Variants in MYOM1 observed in about 807,000 individuals in gnomAD.
MYOM1 encodes the protein myomesin 1, also known as myomesin-1.
MYOM1 carries 164 observed loss-of-function variants against 205.3 expected under a neutral mutation model. The ratio of observed to expected loss-of-function variants is 0.80; its 90% CI spans 0.70 to 0.91. The LOEUF (loss-of-function observed/expected upper bound fraction) is 0.91, where lower values mean the gene tolerates loss of function less well. MYOM1 is among the 40% of genes least tolerant of loss of function. The pLI is 0.00. For missense variants in MYOM1, 2,011 were observed against 2,127.3 expected, an observed-to-expected ratio of 0.95 and a Z score of 1.08; for synonymous variants, 772 against 789.4, an observed-to-expected ratio of 0.98 and a Z score of 0.37.
rs73377264 is a variant in MYOM1 at position 3,211,510 on chromosome 18, C to A, written c.290+3424G>T. Among the ~76,000 whole-genome samples, 593 of 152,318 alleles carry A rather than the reference C, an allele frequency of 3.9e-3. 2 individuals are homozygous for A. The highest frequency in any genetic ancestry group is 0.014 in the African/African-American group (568 of 41,554). On this transcript the variant is annotated intron_variant, in intron 2 of 37. Transcript: ENST00000356443. ...ACCATTCATGGACAGAGGTTAAGAACCCTTGCCTAATGGTTGCAACATGGT... is the reference window on the plus strand; with the variant it reads ...ACCATTCATGGACAGAGGTTAAGAAACCTTGCCTAATGGTTGCAACATGGT...
the MYOM1 span, among the ~76,000 whole-genome samples, chr18:3,238,191 C>A: frequency 1.3e-5 from 2 of 152,176 alleles, no homozygotes; most frequent in African/African-American, 4.8e-5. Context: ...GATCATCAGG[C>A]ATTAGATTCT....
At chr18:3,111,275 T>C (rs1233938485) in intron 22 of MYOM1, among the ~76,000 whole-genome samples, 1 of 137,884 alleles carries the variant, frequency 7.3e-6, no homozygotes, top group African/African-American at 2.7e-5. Flanking sequence ...TTTAATGAAC[T>C]GAAATATATG....
At chr18:3,170,863 C>T (rs2080546311) in intron 8 of MYOM1, among the ~76,000 whole-genome samples, 1 of 142,414 alleles carries the variant, frequency 7.0e-6, no homozygotes, top group Admixed American at 6.9e-5. Context: ...TTGAAATTCA[C>T]ACTCATAACT....
At chr18:3,176,285 G>C (rs2080639993) in intron 5 of MYOM1, among the ~76,000 whole-genome samples, 151 bp from the exon 6 acceptor site, 1 of 152,090 alleles carries the variant, frequency 6.6e-6, no homozygotes, top group African/African-American at 2.4e-5. Flanking sequence ...AATCATATTG[G>C]CTTACGTGAA....
At chr18:3,136,212 A>T (rs145402828) in intron 14 of MYOM1, among the ~76,000 whole-genome samples, 42 of 152,240 alleles carry the variant, frequency 2.8e-4, no homozygotes, top group Admixed American at 1.8e-3. Context: ...TGAGTCCATT[A>T]AACCTCTTTT....
intron 21 of MYOM1, among the ~76,000 whole-genome samples, chr18:3,113,064 T>C (rs936689638): frequency 6.7e-6 from 1 of 149,454 alleles, no homozygotes; most frequent in Non-Finnish European, 1.5e-5. Context: ...TTTTTAATGA[T>C]CAAGATGTGT....
rs77399354 is a variant in MYOM1, at chr18:3,187,723, G to C, written c.772-86C>G. 4,522 of 1,290,746 alleles carry C rather than the reference G, an allele frequency of 3.5e-3. 99 individuals carry two copies. In the African/African-American group the frequency reaches 0.054, roughly 15 times the overall value. 80.0% of individuals were successfully genotyped at this position (1,290,746 alleles called of 1,614,324 possible). On this transcript the variant is annotated intron_variant, in intron 4 of 37. Transcript: ENST00000356443. Reference sequence around the variant, plus strand: ...TTGGTGCTAAAATAACAAGTAGAAGGCAAAAGTTTTATTTTTCCATTTGGA... The same window carrying C: ...TTGGTGCTAAAATAACAAGTAGAAGCCAAAAGTTTTATTTTTCCATTTGGA...
rs1667261160 is a variant in MYOM1 at position 3,129,408 on chromosome 18, G to A, written c.2618C>T (p.Ala873Val). 5.0e-6 allele frequency: 8 copies of A among 1,613,970 alleles called. No individual in the cohort carries two copies. The African/African-American group carries it at 6.7e-5, about 13-fold the overall frequency. The change falls in exon 18 of 38, where the codon GCT (alanine) becomes GTT (valine). Residue 873 changes from alanine to valine, a missense_variant. Transcript: ENST00000356443. ...TTTGTTAGGTTTGCTGCCAAGCAAA[G>A]CATCTTTCTGGAAGGTTGGCGGGGA... ...EASPPTFQKD[A>V]LLGSKPNKPS...
At chr18:3,095,915 A>G (rs952371188) in intron 25 of MYOM1, among the ~76,000 whole-genome samples, 2 of 152,204 alleles carry the variant, frequency 1.3e-5, no homozygotes, top group Non-Finnish European at 2.9e-5. Context: ...AGGAGAGTAG[A>G]AAGCACAATT....
intron 5 of MYOM1, among the ~76,000 whole-genome samples, chr18:3,177,520 G>A (rs2080664117): frequency 6.6e-6 from 1 of 151,312 alleles, no homozygotes; most frequent in African/African-American, 2.4e-5. Flanking sequence ...TGCCCAGGCT[G>A]GAGTGCAATG....
chr18:3,134,738 T>G lies in MYOM1; in HGVS notation c.2296A>C (p.Lys766Gln), dbSNP rs139137993. Reference sequence around the variant, plus strand: ...TCTATGTAGTACCCGACCAGCTCTTTGGCATCTTTGGACTCCTCCCACGAA... The same window carrying G: ...TCTATGTAGTACCCGACCAGCTCTTGGGCATCTTTGGACTCCTCCCACGAA... Reference protein sequence around the residue: ...VVSWEESKDAKELVGYYIEAS... With the variant: ...VVSWEESKDAQELVGYYIEAS... The change falls in exon 16 of 38, where the codon AAA (lysine) becomes CAA (glutamine). Residue 766 changes from lysine (K) to glutamine (Q), a missense_variant. By Grantham distance (53) the Lys-to-Gln change is moderately conservative (BLOSUM62 1). Coordinates refer to ENST00000356443, the MANE Select transcript of MYOM1 (RefSeq NM_003803.4). 4.0e-5 allele frequency: 65 copies of G among 1,614,004 alleles called. No homozygotes were observed. The East Asian group carries it at 1.4e-3, about 36-fold the overall frequency.
At chr18:3,137,517 C>T (rs553045973) in intron 14 of MYOM1, among the ~76,000 whole-genome samples, 3 of 152,254 alleles carry the variant, frequency 2.0e-5, no homozygotes, top group African/African-American at 7.2e-5. Flanking sequence ...CTGTCATTTG[C>T]AGCAATATGA....
At chr18:3,231,017 T>C in the MYOM1 span, among the ~76,000 whole-genome samples, 1 of 152,188 alleles carries the variant, frequency 6.6e-6, no homozygotes, top group African/African-American at 2.4e-5. Context: ...CAAGCACCAT[T>C]ATCTTTGCTA....
chr18:3,114,745 A>G (rs1283591877), intron 21 of MYOM1, among the ~76,000 whole-genome samples: 1 of 151,978 alleles, frequency 6.6e-6, no homozygotes, highest in Non-Finnish European at 1.5e-5. Context: ...TTTTATAATC[A>G]GAAAAATAAA....
At chr18:3,080,629 A>C (rs1225140148) in intron 33 of MYOM1, among the ~76,000 whole-genome samples, 1 of 151,938 alleles carries the variant, frequency 6.6e-6, no homozygotes, top group Non-Finnish European at 1.5e-5. Flanking sequence ...AACCGAGATC[A>C]CGCCATTGCA....
intron 10 of MYOM1, among the ~76,000 whole-genome samples, chr18:3,155,746 G>A (rs1354233759): frequency 6.6e-6 from 1 of 152,146 alleles, no homozygotes; most frequent in African/African-American, 2.4e-5. Flanking sequence ...GACATTGATT[G>A]TGCAACGTTG....
intron 18 of MYOM1, among the ~76,000 whole-genome samples, chr18:3,127,770 C>T: frequency 6.6e-6 from 1 of 152,276 alleles, no homozygotes; most frequent in South Asian, 2.1e-4. Flanking sequence ...AAAAAACAGA[C>T]ACAATCTGCT....
intron 13 of MYOM1, among the ~76,000 whole-genome samples, chr18:3,147,449 C>A (rs961467097): frequency 1.3e-5 from 2 of 152,096 alleles, no homozygotes; most frequent in Admixed American, 1.3e-4. Flanking sequence ...GAAATCCCAG[C>A]ATGTTTTTTG....
chr18:3,220,860 A>G (rs2081323197), upstream of MYOM1, among the ~76,000 whole-genome samples: 1 of 152,260 alleles, frequency 6.6e-6, no homozygotes, highest in African/African-American at 2.4e-5. Flanking sequence ...TGACAGTCAC[A>G]TAATATAGAC....
Sources: allele counts gnomAD v4.1 joint callset (sites outside exome capture counted in the v4.1 genomes callset), GRCh38; gene constraint gnomAD v4.1.1; transcripts MANE v1.5; gene names NCBI Gene and HGNC (gene_info 2026-07-23, HGNC 2026-07-21).